Variants in ARHGAP26 observed in about 807,000 individuals in gnomAD.
The protein encoded by ARHGAP26 is rho GTPase-activating protein 26.
In ARHGAP26, 38 loss-of-function variants were observed where a neutral mutation model predicts 104.8. The observed-to-expected ratio is 0.36, with a 90% CI of 0.28 to 0.48. The LOEUF (loss-of-function observed/expected upper bound fraction) is 0.48, where lower values mean the gene tolerates loss of function less well. Ranked by LOEUF, ARHGAP26 falls within the 20% of genes least tolerant of loss-of-function variation. The pLI is 0.99. For synonymous variants in ARHGAP26, 341 were observed against 340.0 expected (o/e 1.00, Z -0.03); for missense variants, 704 against 947.9 (o/e 0.74, Z 3.38).
chr5:142,941,251 C>T (rs528052720), intron 11 of ARHGAP26, among the ~76,000 whole-genome samples: 3 of 152,018 alleles, frequency 2.0e-5, no homozygotes, highest in Non-Finnish European at 4.4e-5. Flanking sequence ...GTTCTCTTTT[C>T]TCCACAACCT....
Position 143,226,479 on chromosome 5 carries a change from T to G in ARHGAP26, c.*4033T>G, listed in dbSNP as rs1811686527. On this transcript the variant is annotated 3_prime_UTR_variant, in exon 23 of 23. Coordinates refer to ENST00000645722, the MANE Select transcript of ARHGAP26 (RefSeq NM_001135608.3). The stretch of plus-strand genomic sequence containing the variant: ...CTGGGTGACAGAGCCAGACTCCGTC[T>G]CAAAGGAAAAAAAAAAAAAAAAAAA... 2 of 123,032 alleles carry G rather than the reference T, an allele frequency of 1.6e-5. No individual in the cohort carries two copies. Among genetic ancestry groups the G allele is most frequent in the Non-Finnish European group, 2.9e-5 (2 of 67,830 alleles). The allele number at this position is 123,032 out of a possible 1,614,324, so 7.6% of individuals were successfully genotyped here.
rs1328055146 is a variant in ARHGAP26 at position 143,214,023 on chromosome 5, T to C, written c.2126T>C (p.Leu709Ser). The C allele has an allele frequency of 6.3e-7, 1 of 1,596,864 alleles. No homozygotes were observed. The highest frequency in any genetic ancestry group is 8.6e-7 in the Non-Finnish European group (1 of 1,168,584). The change falls in exon 22 of 23, where the codon TTG (leucine) becomes TCG (serine). Residue 709 changes from leucine (L) to serine (S), a missense_variant. Physicochemically the swap from Leu to Ser is moderately radical, Grantham distance 145. Coordinates refer to ENST00000645722, the MANE Select transcript of ARHGAP26 (RefSeq NM_001135608.3). Reference sequence around the variant, plus strand: ...ACACCGTTCCGGAAGGCAAAAGCCTTGTATGCCTGCAAAGCTGAACATGAC... The same window carrying C: ...ACACCGTTCCGGAAGGCAAAAGCCTCGTATGCCTGCAAAGCTGAACATGAC... ...VSTPFRKAKA[L>S]YACKAEHDSE...
In ARHGAP26 at chr5:143,147,212, T is replaced by C; in HGVS notation, c.1838-19T>C. 4.3e-6 allele frequency: 7 copies of C among 1,612,238 alleles called. No homozygotes were observed. Among genetic ancestry groups the C allele is most frequent in the Non-Finnish European group, 5.9e-6 (7 of 1,178,940 alleles). On this transcript the variant is annotated intron_variant, in intron 19 of 22. Coordinates refer to ENST00000645722, the MANE Select transcript of ARHGAP26 (RefSeq NM_001135608.3). ...TATGCAATAATATTAATATGGGACTTGTGGCTTTTCCCCCCCAGAGGAACA... is the reference window on the plus strand; with the variant it reads ...TATGCAATAATATTAATATGGGACTCGTGGCTTTTCCCCCCCAGAGGAACA...
chr5:143,035,553 G>T (rs1562301868), intron 12 of ARHGAP26, among the ~76,000 whole-genome samples: 1 of 152,096 alleles, frequency 6.6e-6, no homozygotes, highest in Non-Finnish European at 1.5e-5. Context: ...GATGGGAAGG[G>T]GGTGAGGGAT....
At chr5:143,006,323 T>G (rs1378465721) in intron 11 of ARHGAP26, among the ~76,000 whole-genome samples, 42 of 151,244 alleles carry the variant, frequency 2.8e-4, no homozygotes, top group South Asian at 4.2e-4. Context: ...TTTCTTTTTT[T>G]TTTTTTTTTT....
chr5:142,823,499 G>A (rs1188358577), intron 1 of ARHGAP26, among the ~76,000 whole-genome samples: 2 of 151,842 alleles, frequency 1.3e-5, no homozygotes, highest in African/African-American at 2.4e-5. Flanking sequence ...TCTTGGGACT[G>A]TGTGACGTTA....
chr5:142,908,493 A>C (rs193234704), intron 9 of ARHGAP26, among the ~76,000 whole-genome samples: 49 of 152,254 alleles, frequency 3.2e-4, no homozygotes, highest in African/African-American at 9.2e-4. Context: ...TGTATTAGCA[A>C]GTTTGGGCTT....
chr5:143,076,128 G>C (rs539660892), intron 17 of ARHGAP26, among the ~76,000 whole-genome samples: 15 of 150,500 alleles, frequency 1.0e-4, no homozygotes, highest in African/African-American at 3.4e-4. Flanking sequence ...AAGTAACTAG[G>C]ACTACAGGTG....
intron 11 of ARHGAP26, among the ~76,000 whole-genome samples, chr5:142,980,431 C>CA (rs1773772458): frequency 7.0e-6 from 1 of 143,296 alleles, no homozygotes; most frequent in Non-Finnish European, 1.5e-5. Flanking sequence ...CTTAGTTGCC[C>CA]AGGCTGGAGT....
At chr5:142,783,992 T>C (rs911124112) in intron 1 of ARHGAP26, among the ~76,000 whole-genome samples, 1 of 152,208 alleles carries the variant, frequency 6.6e-6, no homozygotes, top group Admixed American at 6.5e-5. Context: ...GGGCAGGCAC[T>C]GGAGGCGAGT....
chr5:143,153,343 C>T (rs2151015791), intron 20 of ARHGAP26, among the ~76,000 whole-genome samples: 1 of 152,316 alleles, frequency 6.6e-6, no homozygotes, highest in East Asian at 1.9e-4. Flanking sequence ...CTACCACCAT[C>T]TTCCACTGTC....
At chr5:143,212,184 C>T (rs1414671543) in intron 21 of ARHGAP26, among the ~76,000 whole-genome samples, 1 of 152,140 alleles carries the variant, frequency 6.6e-6, no homozygotes, top group Non-Finnish European at 1.5e-5. Context: ...GGCAGAAATA[C>T]TGCCTCAAAA....
intron 5 of ARHGAP26, among the ~76,000 whole-genome samples, chr5:142,893,775 A>G (rs1475698607): frequency 6.6e-6 from 1 of 152,170 alleles, no homozygotes; most frequent in Non-Finnish European, 1.5e-5. Flanking sequence ...GATCATAGCC[A>G]TTGTAACTGG....
intron 3 of ARHGAP26, among the ~76,000 whole-genome samples, chr5:142,878,107 T>C (rs894946757): frequency 7.2e-5 from 11 of 152,260 alleles, no homozygotes; most frequent in Non-Finnish European, 1.6e-4. Context: ...GTTAGTTCTT[T>C]ACTGTGTCCA....
intron 11 of ARHGAP26, among the ~76,000 whole-genome samples, chr5:142,990,831 C>T (rs1775484632): frequency 6.6e-6 from 1 of 152,128 alleles, no homozygotes; most frequent in Non-Finnish European, 1.5e-5. Context: ...GAAGCTTCAT[C>T]TCAGAGGGGC....
chr5:142,885,262 T>TA, intron 4 of ARHGAP26, 36 bp from the exon 5 acceptor site: 1 of 1,571,972 alleles, frequency 6.4e-7, no homozygotes, highest in South Asian at 1.1e-5. Flanking sequence ...TGCAACGTGT[T>TA]ACTCTTTTTC....
chr5:143,014,328 T>G, intron 12 of ARHGAP26: 1 of 602,680 alleles, frequency 1.7e-6, no homozygotes, highest in South Asian at 2.0e-5. Flanking sequence ...TGTAGTGTAG[T>G]GACACCTTGC....
At chr5:142,838,469 T>G (rs1205557186) in intron 1 of ARHGAP26, among the ~76,000 whole-genome samples, 1 of 152,234 alleles carries the variant, frequency 6.6e-6, no homozygotes, top group East Asian at 1.9e-4. Flanking sequence ...AATGCAGGTA[T>G]GAGGTCAGGT....
At chr5:142,940,388 G>A (rs567130583) in intron 11 of ARHGAP26, among the ~76,000 whole-genome samples, 1 of 152,108 alleles carries the variant, frequency 6.6e-6, no homozygotes, top group East Asian at 1.9e-4. Flanking sequence ...TTGTGTCATG[G>A]GGTTTTGTTG....
Sources: allele counts gnomAD v4.1 joint callset (sites outside exome capture counted in the v4.1 genomes callset), GRCh38; gene constraint gnomAD v4.1.1; transcripts MANE v1.5; gene names NCBI Gene and HGNC (gene_info 2026-07-23, HGNC 2026-07-21).